LDLRAD3: variants seen among roughly 807,000 people sequenced by gnomAD.
LDLRAD3 encodes the protein low density lipoprotein receptor class A domain containing 3, also known as low-density lipoprotein receptor class A domain-containing protein 3.
Under a neutral mutation model 29.4 loss-of-function variants are expected in LDLRAD3, and 20 were observed. The ratio of observed to expected loss-of-function variants is 0.68; its 90% confidence interval spans 0.48 to 0.99. The LOEUF is 0.99. Among genes scored for constraint, LDLRAD3 ranks in the 50% least tolerant of loss-of-function variants. The probability of loss-of-function intolerance (pLI) is 0.00; values close to 1 mark genes in which losing one functional copy is unlikely to be tolerated. For synonymous variants in LDLRAD3, 157 were observed against 192.7 expected (o/e 0.81, Z 1.53); for missense variants, 420 against 454.3 (o/e 0.92, Z 0.69).
chr11:36,054,332 A>G (rs1449011323), intron 2 of LDLRAD3, among the ~76,000 whole-genome samples: 2 of 152,226 alleles, frequency 1.3e-5, no homozygotes, highest in Non-Finnish European at 2.9e-5. Flanking sequence ...TACCCTTTGT[A>G]TGACTGCAGG....
At chr11:36,079,580 C>T (rs2133255479) in intron 2 of LDLRAD3, among the ~76,000 whole-genome samples, 1 of 152,184 alleles carries the variant, frequency 6.6e-6, no homozygotes, top group African/African-American at 2.4e-5. Context: ...TGAAAGAATA[C>T]CGAGACAGTC....
chr11:36,075,842 AC>A (rs1236502809), intron 2 of LDLRAD3, among the ~76,000 whole-genome samples: 1 of 152,118 alleles, frequency 6.6e-6, no homozygotes, highest in Non-Finnish European at 1.5e-5. Context: ...ATAATCTGAT[AC>A]CGTTGTTGAT....
At chr11:36,048,569 C>T (rs997211911) in intron 2 of LDLRAD3, among the ~76,000 whole-genome samples, 1 of 152,228 alleles carries the variant, frequency 6.6e-6, no homozygotes, top group Non-Finnish European at 1.5e-5. Context: ...TTAAGTATCT[C>T]CCAGGAGAAG....
chr11:35,979,773 G>A (rs978511233), intron 1 of LDLRAD3, among the ~76,000 whole-genome samples: 1 of 152,226 alleles, frequency 6.6e-6, no homozygotes, highest in African/African-American at 2.4e-5. Context: ...GTTGAGAGAT[G>A]TGGTGGTTGA....
intron 4 of LDLRAD3, among the ~76,000 whole-genome samples, chr11:36,204,480 T>C (rs1044699756): frequency 1.4e-5 from 2 of 142,806 alleles, no homozygotes; most frequent in African/African-American, 5.2e-5. Context: ...TTGATGTCAT[T>C]GGAGTTTCTC....
intron 4 of LDLRAD3, among the ~76,000 whole-genome samples, chr11:36,121,803 TG>T (rs924271331): frequency 6.6e-6 from 1 of 152,194 alleles, no homozygotes; most frequent in African/African-American, 2.4e-5. Flanking sequence ...TGTGCCAGTG[TG>T]GGAGCAGGCA....
chr11:35,991,061 G>A (rs767360741), intron 1 of LDLRAD3, among the ~76,000 whole-genome samples: 3 of 152,248 alleles, frequency 2.0e-5, no homozygotes, highest in South Asian at 2.1e-4. Context: ...TGAATTCTGC[G>A]GTCTTTTCAG....
At chr11:36,042,895 C>T (rs527891065) in intron 2 of LDLRAD3, among the ~76,000 whole-genome samples, 53 of 152,306 alleles carry the variant, frequency 3.5e-4, no homozygotes, top group Middle Eastern at 3.4e-3. Context: ...TTTCAGACTC[C>T]TGGCCATCAG....
At chr11:35,960,841 C>T (rs1158233349) in intron 1 of LDLRAD3, among the ~76,000 whole-genome samples, 5 of 152,298 alleles carry the variant, frequency 3.3e-5, no homozygotes, top group African/African-American at 9.6e-5. Flanking sequence ...ATGATCCGCC[C>T]GCCTCGCCTC....
At position 36,227,187 on chromosome 11, in the gene LDLRAD3, T is replaced by C. The variant is rs1404868772; in HGVS notation, c.557T>C (p.Val186Ala). The C allele has an allele frequency of 1.2e-6, 2 of 1,614,060 alleles. No individual in the cohort carries two copies. The highest frequency in any genetic ancestry group is 1.1e-5 in the South Asian group (1 of 91,088). Residue 186 changes from valine to alanine, a missense_variant, in exon 5 of 6, where the codon GTG (valine) becomes GCG (alanine). Physicochemically the swap from Val to Ala is moderately conservative, Grantham distance 64. Coordinates refer to ENST00000315571, the MANE Select transcript of LDLRAD3 (RefSeq NM_174902.4). ...GGCAGCTCCGTCATTTTTGTGCTGG[T>C]GGTGGCCCTGCTGGCACTGGTCTTG... Reference protein sequence around the residue: ...IIGSSVIFVLVVALLALVLHH... With the variant: ...IIGSSVIFVLAVALLALVLHH...
In LDLRAD3 at chr11:36,134,812, G is replaced by A. The variant is rs1853980339; in HGVS notation, c.454+36351G>A. ...GAAGTCTGTCTTTTGATCTGCAGCA[G>A]GAAGAATAGCTCAGAATTGGCAAGT... On this transcript the variant is annotated intron_variant, in intron 4 of 5. Coordinates refer to ENST00000315571, the MANE Select transcript of LDLRAD3 (RefSeq NM_174902.4). Among the ~76,000 whole-genome samples the A allele has an allele frequency of 2.6e-5, 4 of 152,226 alleles. No individual in the cohort carries two copies. In the South Asian group the frequency reaches 8.3e-4, roughly 32 times the overall value.
In LDLRAD3 at chr11:36,231,839, A is replaced by G. The variant is rs575493607; in HGVS notation, c.*2442A>G. On this transcript the variant is annotated 3_prime_UTR_variant, in exon 6 of 6. Transcript: ENST00000315571. ...TTCCAACCAGGAAGCTTTTTTATAC[A>G]TTGCCTAAATCTACGCCAACCAGAA... 4 of 152,228 alleles carry G rather than the reference A, an allele frequency of 2.6e-5. No homozygotes were observed. The highest frequency in any genetic ancestry group is 4.4e-5 in the Non-Finnish European group (3 of 68,024). The allele number at this position is 152,228 out of a possible 1,614,324, so 9.4% of individuals were successfully genotyped here.
chr11:36,155,200 A>T (rs1441850280), intron 4 of LDLRAD3, among the ~76,000 whole-genome samples: 1 of 152,192 alleles, frequency 6.6e-6, no homozygotes, highest in Non-Finnish European at 1.5e-5. Flanking sequence ...AGATTTTCAG[A>T]TGCTGTTAAC....
intron 4 of LDLRAD3, among the ~76,000 whole-genome samples, chr11:36,205,956 G>A (rs1855201321): frequency 6.6e-6 from 1 of 152,210 alleles, no homozygotes; most frequent in African/African-American, 2.4e-5. Context: ...GGTGTTAACA[G>A]CGGTGTCTCC....
At chr11:36,053,558 A>G (rs7931134) in intron 2 of LDLRAD3, among the ~76,000 whole-genome samples, 12,153 of 152,232 alleles carry the variant, frequency 0.08, 795 homozygotes, top group African/African-American at 0.16. Context: ...AAGGATGTAT[A>G]CAAAGTGCTT....
At position 36,077,412 on chromosome 11, in the gene LDLRAD3, G is replaced by T. The variant is rs76380960; in HGVS notation, c.194-4241G>T. 1.9e-4 allele frequency among the ~76,000 whole-genome samples: 29 copies of T among 152,314 alleles called. 1 individual carries two copies. The East Asian group carries it at 5.6e-3, about 29-fold the overall frequency. Reference sequence around the variant, plus strand: ...GACACCTTTGCCCAAGTTTTGCTCTGGCCTGCTGGGCTTCTCTGCCTACTT... The same window carrying T: ...GACACCTTTGCCCAAGTTTTGCTCTTGCCTGCTGGGCTTCTCTGCCTACTT... On this transcript the variant is annotated intron_variant, in intron 2 of 5. Coordinates refer to ENST00000315571, the MANE Select transcript of LDLRAD3 (RefSeq NM_174902.4).
chr11:36,014,923 T>C (rs905299752), intron 1 of LDLRAD3, among the ~76,000 whole-genome samples: 1 of 152,186 alleles, frequency 6.6e-6, no homozygotes, highest in Non-Finnish European at 1.5e-5. Context: ...AGACGAACCA[T>C]GTGGAAAAGT....
chr11:36,028,396 G>A (rs944218955), intron 1 of LDLRAD3, among the ~76,000 whole-genome samples: 3 of 152,124 alleles, frequency 2.0e-5, no homozygotes, highest in Non-Finnish European at 4.4e-5. Flanking sequence ...TGGATGTGAT[G>A]GGATAGGGAG....
intron 4 of LDLRAD3, among the ~76,000 whole-genome samples, chr11:36,149,925 T>C (rs758414682): frequency 3.9e-5 from 6 of 152,210 alleles, no homozygotes; most frequent in Non-Finnish European, 8.8e-5. Flanking sequence ...AATTGAGGGC[T>C]AAAGCCCTGG....
Sources: allele counts gnomAD v4.1 joint callset (sites outside exome capture counted in the v4.1 genomes callset), GRCh38; gene constraint gnomAD v4.1.1; transcripts MANE v1.5; gene names NCBI Gene and HGNC (gene_info 2026-07-23, HGNC 2026-07-21).